FBXL17: variants seen among roughly 807,000 people sequenced by gnomAD.
FBXL17 encodes F-box/LRR-repeat protein 17.
In FBXL17, 22 loss-of-function variants were observed where a neutral mutation model predicts 66.2. The observed-to-expected ratio is 0.33, with a 90% confidence interval of 0.24 to 0.47. The LOEUF is 0.47. FBXL17 is among the 20% of genes least tolerant of loss of function. The pLI, the probability that FBXL17 is intolerant of heterozygous loss-of-function variation, is 1.00. For synonymous variants in FBXL17, 474 were observed against 400.5 expected (o/e 1.18, Z -2.19); for missense variants, 878 against 948.2 (o/e 0.93, Z 0.97).
At chr5:108,334,282 G>A (rs1760272588) in intron 4 of FBXL17, among the ~76,000 whole-genome samples, 1 of 152,124 alleles carries the variant, frequency 6.6e-6, no homozygotes, top group Non-Finnish European at 1.5e-5. Context: ...GACACATAAG[G>A]ACTATTCCCT....
At chr5:108,314,871 G>A (rs1759288495) in intron 4 of FBXL17, among the ~76,000 whole-genome samples, 1 of 151,234 alleles carries the variant, frequency 6.6e-6, no homozygotes, top group Admixed American at 6.6e-5. Context: ...GTTAAGACAG[G>A]TATCATAATA....
chr5:108,035,639 T>C (rs1414930067), intron 6 of FBXL17, among the ~76,000 whole-genome samples: 1 of 152,128 alleles, frequency 6.6e-6, no homozygotes, highest in African/African-American at 2.4e-5. Flanking sequence ...AGTGCTAGGA[T>C]TACAGGCGTG....
intron 4 of FBXL17, among the ~76,000 whole-genome samples, chr5:108,314,987 A>C (rs1024861557): frequency 2.6e-5 from 4 of 150,986 alleles, no homozygotes; most frequent in Non-Finnish European, 5.9e-5. Context: ...ATTTTATGTA[A>C]ATTCTAAACA....
At chr5:107,928,360 A>T (rs11953838) in intron 7 of FBXL17, among the ~76,000 whole-genome samples, 8,898 of 151,834 alleles carry the variant, frequency 0.059, 887 homozygotes, top group African/African-American at 0.2. Flanking sequence ...TTAAACCTTT[A>T]TTTACTTAAG....
intron 7 of FBXL17, among the ~76,000 whole-genome samples, chr5:107,887,044 A>C (rs1228834882): frequency 1.3e-5 from 2 of 152,192 alleles, no homozygotes; most frequent in South Asian, 4.1e-4. Context: ...AGTTAAATTT[A>C]AATAAGACCT....
chr5:107,971,860 C>T (rs1331754892), intron 7 of FBXL17, among the ~76,000 whole-genome samples: 1 of 152,184 alleles, frequency 6.6e-6, no homozygotes, highest in Non-Finnish European at 1.5e-5. Flanking sequence ...ACCTTAACTC[C>T]TCACCCCAAT....
chr5:108,009,306 T>TATATATATAC (rs1561365393), intron 7 of FBXL17, among the ~76,000 whole-genome samples: 8 of 17,438 alleles, frequency 4.6e-4, no homozygotes, highest in African/African-American at 1.3e-3. Context: ...TATATACATA[T>TATATATATAC]ATACATACAC....
intron 4 of FBXL17, among the ~76,000 whole-genome samples, chr5:108,238,125 CAG>C (rs1257030139): frequency 2.6e-5 from 4 of 152,140 alleles, no homozygotes; most frequent in Non-Finnish European, 5.9e-5. Flanking sequence ...AATACAAAAA[CAG>C]AGAACACATT....
intron 8 of FBXL17, among the ~76,000 whole-genome samples, chr5:107,869,856 TCAGA>T (rs1242973230): frequency 5.3e-5 from 8 of 152,200 alleles, no homozygotes; most frequent in Non-Finnish European, 1.2e-4. Context: ...TCTTCCTTTC[TCAGA>T]CAAACCAAGG....
chr5:108,096,507 CAA>C (rs1326505923), intron 6 of FBXL17, among the ~76,000 whole-genome samples: 2 of 152,086 alleles, frequency 1.3e-5, no homozygotes, highest in Non-Finnish European at 2.9e-5. Context: ...ACATGATTGA[CAA>C]GCAAGGGAAA....
chr5:108,107,957 G>A (rs2149949183), intron 6 of FBXL17, among the ~76,000 whole-genome samples: 1 of 152,150 alleles, frequency 6.6e-6, no homozygotes, highest in African/African-American at 2.4e-5. Context: ...TAATCTGCCT[G>A]TTGGCTCGCA....
intron 7 of FBXL17, among the ~76,000 whole-genome samples, chr5:107,999,995 A>G (rs898619216): frequency 6.6e-6 from 1 of 152,194 alleles, no homozygotes; most frequent in Non-Finnish European, 1.5e-5. Context: ...CCTGAACCAA[A>G]AAGTCAGGAT....
chr5:107,928,495 T>C (rs146639941), intron 7 of FBXL17, among the ~76,000 whole-genome samples: 8 of 152,164 alleles, frequency 5.3e-5, no homozygotes, highest in Non-Finnish European at 1.2e-4. Context: ...AGAGGCTGTA[T>C]TGTATTTTGA....
chr5:108,049,824 G>GTCT (rs567109709), intron 6 of FBXL17, among the ~76,000 whole-genome samples: 219 of 152,202 alleles, frequency 1.4e-3, no homozygotes, highest in Admixed American at 3.1e-3. Flanking sequence ...CCCATCAGTG[G>GTCT]GCTGTATTCA....
chr5:107,880,378 A>G lies in FBXL17; in HGVS notation c.1965+659T>C, dbSNP rs146776567. 17 of 985,828 alleles carry G rather than the reference A, an allele frequency of 1.7e-5. No individual in the cohort carries two copies. In the East Asian group the frequency reaches 5.7e-4, roughly 33 times the overall value. The allele number at this position is 985,828 out of a possible 1,614,324, so 61.1% of individuals were successfully genotyped here. A position where few individuals can be genotyped will look rare whatever the true frequency, so the allele number is the denominator to read the frequency against. ...ACAGGTGTCAGTATAGATTTTTATTATCTGTTTTCTCAGTCTTCAAAGGGT... is the reference window on the plus strand; with the variant it reads ...ACAGGTGTCAGTATAGATTTTTATTGTCTGTTTTCTCAGTCTTCAAAGGGT... On this transcript the variant is annotated intron_variant, in intron 8 of 8. Coordinates refer to ENST00000542267, the MANE Select transcript of FBXL17 (RefSeq NM_001163315.3).
rs535662388 is a variant in FBXL17 at position 108,170,087 on chromosome 5, T to C, written c.1745+16030A>G. On this transcript the variant is annotated intron_variant, in intron 6 of 8. Coordinates refer to ENST00000542267, the MANE Select transcript of FBXL17 (RefSeq NM_001163315.3). ...AAATATATATTCACACATAGCAAAA[T>C]ATTTATGTGCATGTGTGCACAATAC... is the stretch of plus-strand genomic sequence containing the variant. 1.2e-4 allele frequency among the ~76,000 whole-genome samples: 19 copies of C among 152,266 alleles called. No individual in the cohort carries two copies. In the South Asian group the frequency reaches 3.9e-3, roughly 32 times the overall value.
At chr5:107,973,199 G>A (rs1025849850) in intron 7 of FBXL17, among the ~76,000 whole-genome samples, 2 of 152,146 alleles carry the variant, frequency 1.3e-5, no homozygotes, top group African/African-American at 4.8e-5. Context: ...AGCTAAACGT[G>A]CCTTATGCAG....
At chr5:108,311,241 A>G (rs947621161) in intron 4 of FBXL17, among the ~76,000 whole-genome samples, 1 of 151,722 alleles carries the variant, frequency 6.6e-6, no homozygotes. Context: ...GCGCGATCTC[A>G]GCTCACTGCA....
Position 108,036,621 on chromosome 5 carries a change from C to G in FBXL17, c.1746-15620G>C, listed in dbSNP as rs186127381. ...TTGCTCCTAACCCCTAGTTTCCCTT[C>G]ATTTTGTTGTGACCATTGTATGAAG... On this transcript the variant is annotated intron_variant, in intron 6 of 8. Transcript: ENST00000542267. Among the ~76,000 whole-genome samples, 467 of 152,250 alleles carry G rather than the reference C, an allele frequency of 3.1e-3. 3 individuals are homozygous for G. The highest frequency in any genetic ancestry group is 2.8e-3 in the Non-Finnish European group (191 of 68,018).
Sources: gnomAD v4.1 joint callset for allele counts (sites outside exome capture counted in the v4.1 genomes callset) on GRCh38, gnomAD v4.1.1 for gene constraint, MANE v1.5 for transcripts, NCBI Gene and HGNC (gene_info 2026-07-23, HGNC 2026-07-21) for gene names.